The following LRRTM3 variants were observed in gnomAD, a reference collection of about 807,000 sequenced individuals.
LRRTM3 encodes leucine rich repeat transmembrane neuronal 3.
In LRRTM3, 24 loss-of-function variants were observed where a neutral mutation model predicts 44.7. The ratio of observed to expected loss-of-function variants is 0.54; its 90% confidence interval spans 0.39 to 0.76. The LOEUF is 0.76. Ranked by LOEUF, LRRTM3 falls within the 30% of genes least tolerant of loss-of-function variation. LRRTM3 has a pLI of 0.00. For synonymous variants in LRRTM3, 277 were observed against 278.7 expected (o/e 0.99, Z 0.06); for missense variants, 587 against 702.2 (o/e 0.84, Z 1.85).
At chr10:67,017,099 T>C (rs528480236) in intron 2 of LRRTM3, among the ~76,000 whole-genome samples, 4 of 152,326 alleles carry the variant, frequency 2.6e-5, no homozygotes, top group Non-Finnish European at 5.9e-5. Flanking sequence ...TAGCTAATCA[T>C]TGTATAATAA....
intron 2 of LRRTM3, among the ~76,000 whole-genome samples, chr10:67,016,591 T>C (rs1166645642): frequency 6.6e-6 from 1 of 152,312 alleles, no homozygotes; most frequent in South Asian, 2.1e-4. Context: ...GGTTATTCTC[T>C]ACTTTTCTTA....
At chr10:67,012,712 G>C (rs1351306693) in intron 2 of LRRTM3, among the ~76,000 whole-genome samples, 1 of 152,032 alleles carries the variant, frequency 6.6e-6, no homozygotes, top group Non-Finnish European at 1.5e-5. Flanking sequence ...TCACGTCTTT[G>C]ATGTATTTCC....
chr10:66,992,916 G>A (rs1851119628), intron 2 of LRRTM3, among the ~76,000 whole-genome samples: 1 of 151,952 alleles, frequency 6.6e-6, no homozygotes, highest in South Asian at 2.1e-4. Flanking sequence ...TTGTATCCCG[G>A]TACTATTATT....
intron 2 of LRRTM3, among the ~76,000 whole-genome samples, chr10:67,078,426 G>T (rs1856849645): frequency 6.6e-6 from 1 of 151,590 alleles, no homozygotes; most frequent in African/African-American, 2.4e-5. Context: ...TTTGAGAGAG[G>T]GACCAACAAA....
At chr10:66,951,650 TA>T (rs10708355) in intron 2 of LRRTM3, among the ~76,000 whole-genome samples, 32,813 of 151,980 alleles carry the variant, frequency 0.22, 3,721 homozygotes, top group East Asian at 0.36. Context: ...TTAACCACAC[TA>T]TTGGCTTTTG....
Position 66,928,219 on chromosome 10 carries a change from C to G in LRRTM3, c.1303C>G (p.Leu435Val). 1 of 1,614,150 alleles carries G rather than the reference C, an allele frequency of 6.2e-7. No individual in the cohort carries two copies. Among genetic ancestry groups the G allele is most frequent in the Non-Finnish European group, 8.5e-7 (1 of 1,180,038 alleles). ...VALFLSVLVI[L>V]LVIYVSWKRY... ...GCTTTTCCTGTCCGTGCTCGTCATCCTGCTGGTTATCTACGTGTCATGGAA... is the reference window on the plus strand; with the variant it reads ...GCTTTTCCTGTCCGTGCTCGTCATCGTGCTGGTTATCTACGTGTCATGGAA... The change falls in exon 2 of 3, where the codon CTG becomes GTG. Residue 435 changes from leucine to valine, a missense_variant. Leu to Val is a conservative substitution (Grantham distance 32). Around this residue, in one of 3 missense-constraint regions of LRRTM3, gnomAD observed 315 missense variants for 335.6 expected, o/e 0.94. Transcript: ENST00000361320.
At chr10:67,079,067 C>G (rs2131872374) in intron 2 of LRRTM3, among the ~76,000 whole-genome samples, 1 of 152,238 alleles carries the variant, frequency 6.6e-6, no homozygotes, top group Middle Eastern at 3.4e-3. Context: ...AATTTCAAGC[C>G]ACCAATAATT....
At chr10:67,005,861 T>C (rs1851955319) in intron 2 of LRRTM3, among the ~76,000 whole-genome samples, 1 of 151,486 alleles carries the variant, frequency 6.6e-6, no homozygotes, top group African/African-American at 2.4e-5. Context: ...AATTTTTCTA[T>C]TTTTAGTAGA....
chr10:67,070,454 A>T (rs1213350757), intron 2 of LRRTM3, among the ~76,000 whole-genome samples: 1 of 152,162 alleles, frequency 6.6e-6, no homozygotes, highest in Non-Finnish European at 1.5e-5. Context: ...TGTCCCGATT[A>T]AGAAATCCTT....
chr10:66,927,107 T>G lies in LRRTM3; in HGVS notation c.191T>G (p.Leu64Ter). The G allele has an allele frequency of 6.2e-7, 1 of 1,614,190 alleles. No individual in the cohort carries two copies. Among genetic ancestry groups the G allele is most frequent in the Non-Finnish European group, 8.5e-7 (1 of 1,180,034 alleles). ...EIPSSISAGCLGLSLRYNSLQ... is the reference protein window; with the variant it reads ...EIPSSISAGC Reference sequence around the variant, plus strand: ...CCCTCAAGTATATCTGCTGGTTGCTTAGGTTTGTCCCTTCGCTATAACAGC... The same window carrying G: ...CCCTCAAGTATATCTGCTGGTTGCTGAGGTTTGTCCCTTCGCTATAACAGC... Residue 64 changes from leucine (L) to a stop codon, truncating the protein, a stop_gained, in exon 2 of 3, where the codon TTA (leucine) becomes TGA (stop). Transcript: ENST00000361320. LOFTEE classifies it high-confidence loss of function. This position sits in a 1 kb window ranked among gnomAD's most constrained non-coding sequence, Gnocchi z 4.7.
At position 67,097,877 on chromosome 10, in the gene LRRTM3, C is replaced by A. The variant is rs1858107111; in HGVS notation, c.*81C>A. The A allele has an allele frequency of 1.6e-6, 2 of 1,252,346 alleles. No homozygotes were observed. Among genetic ancestry groups the A allele is most frequent in the African/African-American group, 1.5e-5 (1 of 67,106 alleles). The allele number at this position is 1,252,346 out of a possible 1,614,324, so 77.6% of individuals were successfully genotyped here. On this transcript the variant is annotated 3_prime_UTR_variant, in exon 3 of 3. Transcript: ENST00000361320. ...ATGAGGAAGATGTGTTCATTGTGGA[C>A]TCTAAAAACAAAACAAAACACAAAA...
chr10:67,022,847 A>AGAAT (rs1164523791), intron 2 of LRRTM3, among the ~76,000 whole-genome samples: 1 of 152,164 alleles, frequency 6.6e-6, no homozygotes, highest in African/African-American at 2.4e-5. Flanking sequence ...CTGAGGCAGG[A>AGAAT]GAATAGCTTG....
Position 67,045,111 on chromosome 10 carries a change from A to T in LRRTM3, c.1537-52476A>T, listed in dbSNP as rs1304400724. Among the ~76,000 whole-genome samples the T allele has an allele frequency of 6.6e-5, 10 of 152,214 alleles. No homozygotes were observed. The East Asian group carries it at 1.9e-3, about 29-fold the overall frequency. On this transcript the variant is annotated intron_variant, in intron 2 of 2. Coordinates refer to ENST00000361320, the MANE Select transcript of LRRTM3 (RefSeq NM_178011.5). ...CATATTAAAGACTACCAGATACGTGATGCTACCTAGTTAATGCTTACATAC... is the reference window on the plus strand; with the variant it reads ...CATATTAAAGACTACCAGATACGTGTTGCTACCTAGTTAATGCTTACATAC...
At chr10:66,992,413 C>A (rs1851090480) in intron 2 of LRRTM3, among the ~76,000 whole-genome samples, 1 of 152,042 alleles carries the variant, frequency 6.6e-6, no homozygotes. Flanking sequence ...TCCTCCTCCT[C>A]CACTCCTCTT....
chr10:66,926,831 T>TA, intron 1 of LRRTM3, 90 bp from the exon 2 acceptor site: 2 of 1,218,964 alleles, frequency 1.6e-6, no homozygotes, highest in Non-Finnish European at 2.2e-6. Flanking sequence ...TTTAAATTTT[T>TA]AAAAATGAAA....
intron 2 of LRRTM3, among the ~76,000 whole-genome samples, chr10:67,072,618 G>A (rs535978558): frequency 4.6e-5 from 7 of 152,252 alleles, no homozygotes; most frequent in Admixed American, 3.3e-4. Flanking sequence ...GTGGAATGTA[G>A]TCTTCCCCTT....
At chr10:67,027,837 T>TA (rs1021289341) in intron 2 of LRRTM3, among the ~76,000 whole-genome samples, 92 of 152,196 alleles carry the variant, frequency 6.0e-4, no homozygotes, top group African/African-American at 2.1e-3. Context: ...TTTAAAACTT[T>TA]AAAATTTACA....
At chr10:67,074,817 T>TG (rs1336495130) in intron 2 of LRRTM3, among the ~76,000 whole-genome samples, 143 of 148,858 alleles carry the variant, frequency 9.6e-4, no homozygotes, top group African/African-American at 3.5e-3. Context: ...ACATAATTTA[T>TG]TTATGTATGT....
At chr10:67,036,520 C>T (rs372421553) in intron 2 of LRRTM3, among the ~76,000 whole-genome samples, 3 of 151,922 alleles carry the variant, frequency 2.0e-5, no homozygotes, top group East Asian at 3.9e-4. Flanking sequence ...AAAACTTAGC[C>T]GGGCGTGGTG....
Sources: gnomAD v4.1 joint callset for allele counts (sites outside exome capture counted in the v4.1 genomes callset) on GRCh38, gnomAD v4.1.1 for gene constraint, gnomAD v4.1.1 regional missense constraint, Gnocchi (gnomAD v3.1) non-coding constraint, MANE v1.5 for transcripts, NCBI Gene and HGNC (gene_info 2026-07-23, HGNC 2026-07-21) for gene names.